PEDS1: variants seen among roughly 807,000 people sequenced by gnomAD.
PEDS1 encodes plasmanylethanolamine desaturase 1.
PEDS1 carries 14 observed loss-of-function variants against 35.2 expected under a neutral mutation model. That is an observed-to-expected ratio of 0.40 (90% CI 0.26 to 0.62). The LOEUF is 0.62. Ranked by LOEUF, PEDS1 falls within the 20% of genes least tolerant of loss-of-function variation. PEDS1 has a pLI of 0.44. For missense variants in PEDS1, 260 were observed against 367.8 expected (o/e 0.71, Z 2.40); for synonymous variants, 152 against 152.0 (o/e 1.00, Z 0.00).
chr20:50,142,958 T>C (rs943226604), intron 2 of PEDS1, among the ~76,000 whole-genome samples: 1 of 151,984 alleles, frequency 6.6e-6, no homozygotes, highest in African/African-American at 2.4e-5. Flanking sequence ...TGACCTAGCA[T>C]GAGGGTGGCT....
chr20:50,124,905 CTG>C lies in PEDS1; in HGVS notation c.*151_*152del, dbSNP rs1696135118. 2 of 923,808 alleles carry C rather than the reference CTG, an allele frequency of 2.2e-6. No individual in the cohort carries two copies. The highest frequency in any genetic ancestry group is 3.3e-6 in the Non-Finnish European group (2 of 614,570). 57.2% of individuals were successfully genotyped at this position (923,808 alleles called of 1,614,324 possible). ...ATGAAAAATCAGTGGCTCAAGTATT[CTG>C]TGTCATGAGGGGTGGGCTGGGGTAC... On this transcript the variant is annotated 3_prime_UTR_variant, in exon 6 of 6. Coordinates refer to ENST00000371652, the MANE Select transcript of PEDS1 (RefSeq NM_199129.4).
At chr20:50,149,848 C>T (rs997460323) in intron 1 of PEDS1, among the ~76,000 whole-genome samples, 1 of 152,220 alleles carries the variant, frequency 6.6e-6, no homozygotes, top group Non-Finnish European at 1.5e-5. Flanking sequence ...CGCACCCCCA[C>T]CCGGCCCAGT....
At chr20:50,148,911 G>A (rs373181261) in intron 1 of PEDS1, among the ~76,000 whole-genome samples, 10 of 152,210 alleles carry the variant, frequency 6.6e-5, no homozygotes, top group African/African-American at 2.4e-4. Context: ...AGGAGTTGGA[G>A]ACCAGCCTGG....
chr20:50,149,846 C>A (rs965910682), intron 1 of PEDS1, among the ~76,000 whole-genome samples: 8 of 152,340 alleles, frequency 5.3e-5, no homozygotes, highest in African/African-American at 1.7e-4. Context: ...AGCGCACCCC[C>A]ACCCGGCCCA....
intron 1 of PEDS1, among the ~76,000 whole-genome samples, chr20:50,145,723 A>G (rs1174400841): frequency 5.9e-5 from 9 of 152,088 alleles, no homozygotes; most frequent in Non-Finnish European, 1.5e-5. Context: ...AAATAAAAAC[A>G]CCATGTGGGT....
At chr20:50,151,727 C>T (rs544623269) in intron 1 of PEDS1, among the ~76,000 whole-genome samples, 6 of 152,142 alleles carry the variant, frequency 3.9e-5, no homozygotes, top group Non-Finnish European at 8.8e-5. Flanking sequence ...GGCATGGTGG[C>T]GGGCGCCTGT....
chr20:50,153,715 C>G lies in PEDS1; in HGVS notation c.-78G>C. On this transcript the variant is annotated 5_prime_UTR_variant, in exon 1 of 6. Coordinates refer to ENST00000371652, the MANE Select transcript of PEDS1 (RefSeq NM_199129.4). ...GCCGCGGAACCGCGGCGAGATCACG[C>G]CGCCCAATGACCGCCCAGCGCCGGG... 1 of 1,138,942 alleles carries G rather than the reference C, an allele frequency of 8.8e-7. No individual in the cohort carries two copies. Among genetic ancestry groups the G allele is most frequent in the Non-Finnish European group, 1.1e-6 (1 of 929,392 alleles). 70.6% of individuals were successfully genotyped at this position (1,138,942 alleles called of 1,614,324 possible). A position where few individuals can be genotyped will look rare whatever the true frequency, so the allele number is the denominator to read the frequency against.
At chr20:50,149,410 T>C (rs1200181832) in intron 1 of PEDS1, among the ~76,000 whole-genome samples, 2 of 152,112 alleles carry the variant, frequency 1.3e-5, no homozygotes, top group African/African-American at 2.4e-5. Flanking sequence ...AGCACACACA[T>C]GGCCAGATTT....
At chr20:50,151,291 G>A (rs2081400068) in intron 1 of PEDS1, 1 of 1,304,282 alleles carries the variant, frequency 7.7e-7, no homozygotes, top group Non-Finnish European at 1.0e-6. Flanking sequence ...TTCAGGCATG[G>A]CTGTTCTTCA....
chr20:50,152,264 A>T (rs1334211579), intron 1 of PEDS1, among the ~76,000 whole-genome samples: 1 of 152,194 alleles, frequency 6.6e-6, no homozygotes, highest in African/African-American at 2.4e-5. Context: ...TTTAAGGAAG[A>T]GACGGCATGG....
At chr20:50,149,669 T>C (rs1017571875) in intron 1 of PEDS1, among the ~76,000 whole-genome samples, 1 of 151,998 alleles carries the variant, frequency 6.6e-6, no homozygotes, top group Non-Finnish European at 1.5e-5. Flanking sequence ...CTCAGCCCCA[T>C]GCTGCTCTGG....
In PEDS1 at chr20:50,127,984, T is replaced by C. The variant is rs561305007; in HGVS notation, c.682A>G (p.Ile228Val). The change falls in exon 5 of 6, where the codon ATC becomes GTC. Residue 228 changes from isoleucine (I) to valine (V), a missense_variant. This residue lies in a region of PEDS1 where 83 missense variants were observed against 142.8 expected (regional missense o/e 0.58). Coordinates refer to ENST00000371652, the MANE Select transcript of PEDS1 (RefSeq NM_199129.4). ...HVSPHETYFC[I>V]TTGWLNYPLE... is the part of the protein sequence containing the mutation. Reference sequence around the variant, plus strand: ...CCACTGGTGGCCGCACCTGTGGTGATGCAGAAGTAGGTCTCGTGGGGTGAG... The same window carrying C: ...CCACTGGTGGCCGCACCTGTGGTGACGCAGAAGTAGGTCTCGTGGGGTGAG... 6.2e-7 allele frequency: 1 copy of C among 1,613,956 alleles called. No homozygotes were observed. Among genetic ancestry groups the C allele is most frequent in the East Asian group, 2.2e-5 (1 of 44,870 alleles).
At position 50,129,541 on chromosome 20, in the gene PEDS1, C is replaced by T; in HGVS notation, c.478+5G>A. On this transcript the variant is annotated splice_donor_5th_base_variant and intron_variant, in intron 4 of 5. Transcript: ENST00000371652. This position sits in a 1 kb window ranked among gnomAD's most constrained non-coding sequence, Gnocchi z 4.2. ...TCCCAGCCCACCACTAGCTGGGTGT[C>T]TCACCAGGGCTGTGGGTGCGGAACT... The T allele has an allele frequency of 6.2e-7, 1 of 1,614,094 alleles. No homozygotes were observed. Among genetic ancestry groups the T allele is most frequent in the South Asian group, 1.1e-5 (1 of 91,078 alleles).
chr20:50,153,342 T>C (rs1350974196), intron 1 of PEDS1, among the ~76,000 whole-genome samples, 175 bp downstream of exon 1: 1 of 152,020 alleles, frequency 6.6e-6, no homozygotes, highest in Non-Finnish European at 1.5e-5. Flanking sequence ...GGGCCAAGGT[T>C]CTGGCTTGGG....
chr20:50,138,362 G>A (rs1207199939), intron 2 of PEDS1, among the ~76,000 whole-genome samples: 1 of 152,148 alleles, frequency 6.6e-6, no homozygotes, highest in East Asian at 1.9e-4. Flanking sequence ...GCAACCTTAG[G>A]GTTAGGGTTA....
chr20:50,153,472 CG>C, intron 1 of PEDS1, 44 bp downstream of exon 1: 1 of 1,290,974 alleles, frequency 7.7e-7, no homozygotes. Context: ...TGTCCGCAGC[CG>C]GGGCTGGTGA....
At chr20:50,149,177 A>C (rs994285390) in intron 1 of PEDS1, among the ~76,000 whole-genome samples, 4 of 152,118 alleles carry the variant, frequency 2.6e-5, no homozygotes, top group African/African-American at 9.7e-5. Context: ...AGGAGCAAAA[A>C]ACAGAAAGCC....
rs2081060882 is a variant in PEDS1 at position 50,122,638 on chromosome 20, T to G, written c.*2420A>C. On this transcript the variant is annotated 3_prime_UTR_variant, in exon 6 of 6. Transcript: ENST00000371652. Reference sequence around the variant, plus strand: ...TGACTGCTCTGGAGTCCTTTAGGCATTTCCCTGTCCCCAACAGGCTTTCTT... The same window carrying G: ...TGACTGCTCTGGAGTCCTTTAGGCAGTTCCCTGTCCCCAACAGGCTTTCTT... The G allele has an allele frequency of 6.6e-6, 1 of 152,232 alleles. No homozygotes were observed. The highest frequency in any genetic ancestry group is 2.4e-5 in the African/African-American group (1 of 41,460). 9.4% of individuals were successfully genotyped at this position (152,232 alleles called of 1,614,324 possible).
At chr20:50,143,995 C>A (rs945188252) in intron 1 of PEDS1, among the ~76,000 whole-genome samples, 1 of 152,208 alleles carries the variant, frequency 6.6e-6, no homozygotes, top group Non-Finnish European at 1.5e-5. Context: ...CCGCACCTGG[C>A]CAGGAGCTTT....
Sources: gnomAD v4.1 joint callset for allele counts (sites outside exome capture counted in the v4.1 genomes callset) on GRCh38, gnomAD v4.1.1 for gene constraint, gnomAD v4.1.1 regional missense constraint, Gnocchi (gnomAD v3.1) non-coding constraint, MANE v1.5 for transcripts, NCBI Gene and HGNC (gene_info 2026-07-23, HGNC 2026-07-21) for gene names.